KCNC2: variants seen among roughly 807,000 people sequenced by gnomAD.
KCNC2 encodes potassium voltage-gated channel subfamily C member 2.
KCNC2 carries 21 observed loss-of-function variants against 44.5 expected under a neutral mutation model. That is an observed-to-expected ratio of 0.47 (90% CI 0.33 to 0.68). KCNC2 has a LOEUF of 0.68. Among genes scored for constraint, KCNC2 ranks in the 30% least tolerant of loss-of-function variants. The probability of loss-of-function intolerance (pLI) is 0.01; values close to 1 mark genes in which losing one functional copy is unlikely to be tolerated. For missense variants in KCNC2, 589 were observed against 826.2 expected (o/e 0.71, Z 3.52); for synonymous variants, 391 against 339.1 (o/e 1.15, Z -1.68).
intron 4 of KCNC2, chr12:75,043,880 G>T: frequency 1.0e-6 from 1 of 972,840 alleles, no homozygotes; most frequent in Non-Finnish European, 1.5e-6. Context: ...CATAATTTCA[G>T]TGAAATAAGT....
At chr12:75,175,672 G>T (rs1208751850) in intron 2 of KCNC2, among the ~76,000 whole-genome samples, 1 of 152,028 alleles carries the variant, frequency 6.6e-6, no homozygotes, top group Non-Finnish European at 1.5e-5. Flanking sequence ...TCTCTGAAGA[G>T]CTGTAATTAA....
rs962737495 is a variant in KCNC2 at position 75,208,130 on chromosome 12, T to C, written c.-19-128A>G. Reference sequence around the variant, plus strand: ...GCAGACAGGCACGGGGCAAAGACCCTCCCCGGGAGGGGATCAGCGTCCAGC... The same window carrying C: ...GCAGACAGGCACGGGGCAAAGACCCCCCCCGGGAGGGGATCAGCGTCCAGC... On this transcript the variant is annotated intron_variant, in intron 1 of 4. Transcript: ENST00000549446. The C allele has an allele frequency of 1.8e-5, 19 of 1,042,624 alleles. No individual in the cohort carries two copies. The African/African-American group carries it at 2.5e-4, about 14-fold the overall frequency. The allele number at this position is 1,042,624 out of a possible 1,614,324, so 64.6% of individuals were successfully genotyped here.
rs7311122 is a variant in KCNC2, at chr12:75,207,760, C to A, written c.224G>T (p.Gly75Val). ...GCCCGCGCCGCCCTCGAAGCAGCCG[C>A]CTGGCCCGGGGGACAGCGGGGGCGC... ...PRAPPLSPGP[G>V]GCFEGGAGNC... Residue 75 changes from glycine (G) to valine (V), a missense_variant, in exon 2 of 5, where the codon GGC becomes GTC. This residue lies in a region of KCNC2 where 148 missense variants were observed against 140.1 expected (regional missense o/e 1.06). Coordinates refer to ENST00000549446, the MANE Select transcript of KCNC2 (RefSeq NM_139137.4). This position sits in a 1 kb window ranked among gnomAD's most constrained non-coding sequence, Gnocchi z 4.1. 6.9e-3 allele frequency: 10,902 copies of A among 1,571,098 alleles called. 44 individuals carry two copies. The highest frequency in any genetic ancestry group is 8.2e-3 in the Non-Finnish European group (9,448 of 1,158,704).
At chr12:75,154,662 A>G (rs1011927278) in intron 2 of KCNC2, among the ~76,000 whole-genome samples, 1 of 152,084 alleles carries the variant, frequency 6.6e-6, no homozygotes, top group African/African-American at 2.4e-5. Context: ...CTGACTGGCA[A>G]TGAAGTGTTT....
chr12:75,075,972 G>T (rs1285518588), intron 2 of KCNC2, among the ~76,000 whole-genome samples: 1 of 150,986 alleles, frequency 6.6e-6, no homozygotes, highest in Non-Finnish European at 1.5e-5. Context: ...CAAACTATTG[G>T]TCCAAAGATT....
intron 2 of KCNC2, among the ~76,000 whole-genome samples, chr12:75,171,380 T>C (rs545107975): frequency 2.4e-4 from 37 of 151,810 alleles, no homozygotes; most frequent in Non-Finnish European, 4.6e-4. Context: ...TACACTAGGA[T>C]TGGGAAACCT....
chr12:75,158,857 C>T (rs1890932220), intron 2 of KCNC2, among the ~76,000 whole-genome samples: 1 of 151,734 alleles, frequency 6.6e-6, no homozygotes, highest in Non-Finnish European at 1.5e-5. Context: ...GTTATAGAGT[C>T]AATACTGAAC....
At chr12:75,181,983 A>T (rs1277977064) in intron 2 of KCNC2, among the ~76,000 whole-genome samples, 1 of 108,220 alleles carries the variant, frequency 9.2e-6, no homozygotes, top group Non-Finnish European at 1.7e-5. Flanking sequence ...CATGTTGGCC[A>T]GGATGGTCTC....
At chr12:75,158,802 T>G (rs1235637903) in intron 2 of KCNC2, among the ~76,000 whole-genome samples, 1 of 151,904 alleles carries the variant, frequency 6.6e-6, no homozygotes, top group Non-Finnish European at 1.5e-5. Context: ...AGGGTTATCT[T>G]CTACAGATTT....
In KCNC2 at chr12:75,041,267, T is replaced by A. The variant is rs181555518; in HGVS notation, c.*1838A>T. 1.1e-4 allele frequency: 176 copies of A among 1,573,166 alleles called. No individual in the cohort carries two copies. The highest frequency in any genetic ancestry group is 1.4e-4 in the Non-Finnish European group (167 of 1,165,716). Reference sequence around the variant, plus strand: ...AATTCTTTTACCATAAATTTGTGTGTAATTATAATGTTCTATGTGTGGTGT... The same window carrying A: ...AATTCTTTTACCATAAATTTGTGTGAAATTATAATGTTCTATGTGTGGTGT... On this transcript the variant is annotated 3_prime_UTR_variant, in exon 5 of 5. Coordinates refer to ENST00000549446, the MANE Select transcript of KCNC2 (RefSeq NM_139137.4).
Position 75,042,160 on chromosome 12 carries a change from G to A in KCNC2, c.*945C>T. 1 of 1,277,354 alleles carries A rather than the reference G, an allele frequency of 7.8e-7. No homozygotes were observed. Among genetic ancestry groups the A allele is most frequent in the African/African-American group, 1.5e-5 (1 of 64,914 alleles). 79.1% of individuals were successfully genotyped at this position (1,277,354 alleles called of 1,614,324 possible). On this transcript the variant is annotated 3_prime_UTR_variant, in exon 5 of 5. Coordinates refer to ENST00000549446, the MANE Select transcript of KCNC2 (RefSeq NM_139137.4). ...TAAAAAAAAGACACAAGAGCTTTGG[G>A]TGATATTTGGCACTCTGCCTCTGAA... is the stretch of plus-strand genomic sequence containing the variant.
intron 2 of KCNC2, among the ~76,000 whole-genome samples, chr12:75,147,612 TTAAA>T: frequency 6.6e-6 from 1 of 152,194 alleles, no homozygotes; most frequent in Non-Finnish European, 1.5e-5. Context: ...TAGTTAAAAC[TTAAA>T]TAAATAGGAT....
chr12:75,048,047 G>T (rs1353706565), intron 4 of KCNC2, 106 bp downstream of exon 4: 9 of 964,688 alleles, frequency 9.3e-6, no homozygotes, highest in Admixed American at 7.9e-5. Flanking sequence ...AGCACTGTAC[G>T]CAGTCTTTCC....
At chr12:75,129,669 G>T (rs1484636543) in intron 2 of KCNC2, among the ~76,000 whole-genome samples, 3 of 152,044 alleles carry the variant, frequency 2.0e-5, no homozygotes, top group Admixed American at 6.6e-5. Context: ...GAAATAAAAT[G>T]ATTTTCTGAA....
intron 4 of KCNC2, among the ~76,000 whole-genome samples, chr12:75,047,361 C>A (rs1880647030): frequency 6.6e-6 from 1 of 151,928 alleles, no homozygotes; most frequent in Non-Finnish European, 1.5e-5. Context: ...ACAGTTGGTA[C>A]AATCAAGGGA....
intron 2 of KCNC2, among the ~76,000 whole-genome samples, chr12:75,073,955 C>T (rs919263642): frequency 1.3e-5 from 2 of 152,150 alleles, no homozygotes; most frequent in South Asian, 2.1e-4. Flanking sequence ...GTCAGTTCCA[C>T]GTACAGTAGC....
At chr12:75,096,018 A>C (rs1311746003) in intron 2 of KCNC2, among the ~76,000 whole-genome samples, 1 of 151,656 alleles carries the variant, frequency 6.6e-6, no homozygotes, top group African/African-American at 2.4e-5. Flanking sequence ...GTAAAATTGA[A>C]AAACTACTAG....
intron 2 of KCNC2, among the ~76,000 whole-genome samples, chr12:75,189,245 A>G (rs940138527): frequency 3.9e-5 from 6 of 152,188 alleles, no homozygotes; most frequent in Non-Finnish European, 8.8e-5. Context: ...ATTGTTTTTC[A>G]GTCATTAGTG....
intron 2 of KCNC2, among the ~76,000 whole-genome samples, chr12:75,056,395 T>C (rs962879182): frequency 1.3e-5 from 2 of 151,978 alleles, no homozygotes; most frequent in Non-Finnish European, 2.9e-5. Context: ...ATTAACATCA[T>C]GGGAAAATCA....
Sources: gnomAD v4.1 joint callset for allele counts (sites outside exome capture counted in the v4.1 genomes callset) on GRCh38, gnomAD v4.1.1 for gene constraint, gnomAD v4.1.1 regional missense constraint, Gnocchi (gnomAD v3.1) non-coding constraint, MANE v1.5 for transcripts, NCBI Gene and HGNC (gene_info 2026-07-23, HGNC 2026-07-21) for gene names.